The following SSBP3 variants were observed in gnomAD, a reference collection of about 807,000 sequenced individuals.
SSBP3 encodes the protein single-stranded DNA-binding protein 3.
Under a neutral mutation model 69.6 loss-of-function variants are expected in SSBP3, and 5 were observed. The ratio of observed to expected loss-of-function variants is 0.07; its 90% CI spans 0.04 to 0.15. The LOEUF is 0.15. SSBP3 is among the 10% of genes least tolerant of loss of function. The pLI is 1.00. For synonymous variants in SSBP3, 196 were observed against 193.4 expected, an observed-to-expected ratio of 1.01 and a Z score of -0.11; for missense variants, 312 against 534.0, an observed-to-expected ratio of 0.58 and a Z score of 4.10.
chr1:54,343,566 A>G (rs1195601161), intron 4 of SSBP3, among the ~76,000 whole-genome samples: 1 of 152,226 alleles, frequency 6.6e-6, no homozygotes, highest in Non-Finnish European at 1.5e-5. Flanking sequence ...GGGATCAGGG[A>G]TGGGCTTCAG....
intron 4 of SSBP3, among the ~76,000 whole-genome samples, chr1:54,282,443 G>A (rs543284923): frequency 1.2e-3 from 182 of 152,324 alleles, no homozygotes; most frequent in African/African-American, 2.3e-3. Context: ...GGGGCCTCGC[G>A]AAGTGGGGGG....
rs535158145 is a variant in SSBP3, at chr1:54,305,293, C to T, written c.277-23766G>A. 5.1e-4 allele frequency among the ~76,000 whole-genome samples: 77 copies of T among 152,328 alleles called. 1 individual carries two copies. The South Asian group carries it at 0.015, about 30-fold the overall frequency. On this transcript the variant is annotated intron_variant, in intron 4 of 17. Coordinates refer to ENST00000610401, the Ensembl canonical transcript of SSBP3. ...CCCTGCCCTTCCCAATATCACTGGT[C>T]CTCCAAATGCCTCCTTTCCCTTTTC...
At chr1:54,404,808 T>TG (rs147574789) in intron 2 of SSBP3, 50 bp downstream of exon 2, 86,168 of 622,570 alleles carry the variant, frequency 0.14, 782 homozygotes, top group South Asian at 0.2. Flanking sequence ...CTAAGAATAG[T>TG]GGGGGGGGGG....
intron 4 of SSBP3, among the ~76,000 whole-genome samples, chr1:54,285,194 T>A (rs1394936793): frequency 2.0e-5 from 3 of 152,116 alleles, no homozygotes. Context: ...CATGTGCTCA[T>A]AACAAAAAAC....
intron 6 of SSBP3, among the ~76,000 whole-genome samples, chr1:54,257,462 A>G (rs1413300626): frequency 1.3e-5 from 2 of 152,076 alleles, no homozygotes; most frequent in East Asian, 3.9e-4. Context: ...GAAACGAAAA[A>G]CAGTTAAATC....
chr1:54,378,378 G>A (rs116172347), intron 4 of SSBP3, among the ~76,000 whole-genome samples: 5 of 152,300 alleles, frequency 3.3e-5, no homozygotes, highest in East Asian at 1.9e-4. Context: ...TACAGTTTGC[G>A]CGTCCATATT....
intron 4 of SSBP3, among the ~76,000 whole-genome samples, chr1:54,348,240 T>TG (rs201005897): frequency 6.3e-4 from 1 of 1,598 alleles, no homozygotes; most frequent in Non-Finnish European, 1.3e-3. Context: ...ATAGAAGGCA[T>TG]GGGGGGCGGG....
At chr1:54,407,018 G>C (rs1186302836), upstream of SSBP3, among the ~76,000 whole-genome samples, 2 of 152,062 alleles carry the variant, frequency 1.3e-5, no homozygotes, top group African/African-American at 4.8e-5. Flanking sequence ...CGGGCCCGGG[G>C]CTCCACGCTG....
rs182373979 is a variant in SSBP3, at chr1:54,278,251, A to G, written c.366+3187T>C. Among the ~76,000 whole-genome samples the G allele has an allele frequency of 3.9e-5, 6 of 152,116 alleles. No homozygotes were observed. In the East Asian group the frequency reaches 1.2e-3, roughly 29 times the overall value. ...TGGGCTCCTGTTCTGTAATGTGAGC[A>G]ATACAAATAAACTCAGTTCAAACAT... On this transcript the variant is annotated intron_variant, in intron 5 of 17. Transcript: ENST00000610401.
intron 4 of SSBP3, among the ~76,000 whole-genome samples, chr1:54,399,949 G>A (rs1182925887): frequency 6.6e-6 from 1 of 152,006 alleles, no homozygotes; most frequent in Non-Finnish European, 1.5e-5. Context: ...ACCAGGTGGA[G>A]CCCAATTCAA....
intron 13 of SSBP3, among the ~76,000 whole-genome samples, 171 bp downstream of exon 13, chr1:54,240,734 T>G (rs1644620069): frequency 6.6e-6 from 1 of 152,004 alleles, no homozygotes; most frequent in African/African-American, 2.4e-5. Flanking sequence ...GAGGAGTAGG[T>G]TAGTGTCATC....
chr1:54,345,453 A>G (rs1446105016), intron 4 of SSBP3, among the ~76,000 whole-genome samples: 1 of 152,160 alleles, frequency 6.6e-6, no homozygotes, highest in South Asian at 2.1e-4. Flanking sequence ...CCATGGTCCC[A>G]GCTCCTTTCC....
chr1:54,385,055 G>C (rs915093267), intron 4 of SSBP3, among the ~76,000 whole-genome samples: 7 of 152,166 alleles, frequency 4.6e-5, no homozygotes, highest in Admixed American at 2.6e-4. Context: ...CAAAAGAAAA[G>C]AGCAAACCGC....
At chr1:54,346,027 G>C (rs1646684548) in intron 4 of SSBP3, among the ~76,000 whole-genome samples, 1 of 151,926 alleles carries the variant, frequency 6.6e-6, no homozygotes, top group South Asian at 2.1e-4. Context: ...GCCAAGTGTG[G>C]CAGCACACGC....
At chr1:54,401,532 TAA>T (rs1649301513) in intron 4 of SSBP3, among the ~76,000 whole-genome samples, 1 of 152,210 alleles carries the variant, frequency 6.6e-6, no homozygotes, top group African/African-American at 2.4e-5. Flanking sequence ...AAACCAACAC[TAA>T]AGAGGCTTAG....
At chr1:54,371,331 C>T (rs1194984778) in intron 4 of SSBP3, among the ~76,000 whole-genome samples, 2 of 152,222 alleles carry the variant, frequency 1.3e-5, no homozygotes, top group East Asian at 3.9e-4. Context: ...AGCTCAAGCG[C>T]CCAAGTGGAA....
At position 54,392,082 on chromosome 1, in the gene SSBP3, G is replaced by A. The variant is rs117486570; in HGVS notation, c.276+9779C>T. ...CACAGTCCCACCCCCTCCAATGGGA[G>A]CTGTTACTTACTCTGCCTTCAACAA... is the stretch of plus-strand genomic sequence containing the variant. On this transcript the variant is annotated intron_variant, in intron 4 of 17. Coordinates refer to ENST00000610401, the Ensembl canonical transcript of SSBP3. Among the ~76,000 whole-genome samples, 7 of 152,306 alleles carry A rather than the reference G, an allele frequency of 4.6e-5. No homozygotes were observed. In the East Asian group the frequency reaches 1.4e-3, roughly 29 times the overall value.
At chr1:54,387,361 C>G (rs1207006430) in intron 4 of SSBP3, among the ~76,000 whole-genome samples, 1 of 152,218 alleles carries the variant, frequency 6.6e-6, no homozygotes, top group African/African-American at 2.4e-5. Context: ...CAAGCCATGC[C>G]TCTTCAAGAA....
At chr1:54,391,457 C>T (rs1331290978) in intron 4 of SSBP3, among the ~76,000 whole-genome samples, 1 of 152,218 alleles carries the variant, frequency 6.6e-6, no homozygotes, top group Non-Finnish European at 1.5e-5. Context: ...CATTTCCATC[C>T]GGTCTATAAA....
Sources: allele counts gnomAD v4.1 joint callset (sites outside exome capture counted in the v4.1 genomes callset), GRCh38; gene constraint gnomAD v4.1.1; transcripts MANE v1.5; gene names NCBI Gene and HGNC (gene_info 2026-07-23, HGNC 2026-07-21).